The following ZCCHC17 variants were observed in gnomAD, a reference collection of about 807,000 sequenced individuals.
ZCCHC17 encodes the protein zinc finger CCHC-type containing 17.
ZCCHC17 carries 18 observed loss-of-function variants against 30.6 expected under a neutral mutation model. The observed-to-expected ratio is 0.59, with a 90% CI of 0.41 to 0.87. ZCCHC17 has a LOEUF of 0.87. Among genes scored for constraint, ZCCHC17 ranks in the 40% least tolerant of loss-of-function variants. ZCCHC17 has a pLI of 0.00. For synonymous variants in ZCCHC17, 88 were observed against 92.4 expected (o/e 0.95, Z 0.27); for missense variants, 263 against 284.2 (o/e 0.93, Z 0.54).
At chr1:31,358,886 A>G (rs141971362) in intron 7 of ZCCHC17, among the ~76,000 whole-genome samples, 35 of 152,292 alleles carry the variant, frequency 2.3e-4, no homozygotes, top group Non-Finnish European at 4.3e-4. Context: ...CAGAGTAAAT[A>G]TAGGGAAGAG....
intron 3 of ZCCHC17, among the ~76,000 whole-genome samples, chr1:31,329,240 G>T (rs1638482576): frequency 6.6e-6 from 1 of 152,178 alleles, no homozygotes; most frequent in Admixed American, 6.5e-5. Flanking sequence ...CATCTGTGCT[G>T]ATACATGACT....
At chr1:31,331,693 C>T (rs1185767722) in intron 3 of ZCCHC17, among the ~76,000 whole-genome samples, 1 of 151,710 alleles carries the variant, frequency 6.6e-6, no homozygotes, top group Non-Finnish European at 1.5e-5. Flanking sequence ...GTCACTGCAA[C>T]CTCTGCCTCC....
In ZCCHC17 at chr1:31,364,373, C is replaced by T; in HGVS notation, c.*180C>T. On this transcript the variant is annotated 3_prime_UTR_variant, in exon 8 of 8. Coordinates refer to ENST00000344147, the MANE Select transcript of ZCCHC17 (RefSeq NM_016505.4). ...GGGAGTTAGAGGTCAAAAGCAGCTG[C>T]CTGAATGAGTTGTTGTTTCCTTATC... The T allele has an allele frequency of 1.8e-6, 2 of 1,115,412 alleles. No individual in the cohort carries two copies. Among genetic ancestry groups the T allele is most frequent in the South Asian group, 3.9e-5 (2 of 51,566 alleles). 69.1% of individuals were successfully genotyped at this position (1,115,412 alleles called of 1,614,324 possible).
At position 31,337,126 on chromosome 1, in the gene ZCCHC17, A is replaced by T. The variant is rs1303780033; in HGVS notation, c.125-49A>T. 1.9e-6 allele frequency: 3 copies of T among 1,542,270 alleles called. No individual in the cohort carries two copies. In the African/African-American group the frequency reaches 4.1e-5, roughly 21 times the overall value. On this transcript the variant is annotated intron_variant, in intron 3 of 7. Transcript: ENST00000344147. ...CCTTCTTATCCAGTTTAGAGTATAA[A>T]TACCAGATATGCCCTCTGCTTTACG...
At chr1:31,349,130 C>G (rs543284254) in intron 7 of ZCCHC17, among the ~76,000 whole-genome samples, 156 bp downstream of exon 7, 1 of 151,804 alleles carries the variant, frequency 6.6e-6, no homozygotes, top group African/African-American at 2.4e-5. Context: ...GGCTGCGGTG[C>G]GCTATGATTA....
At position 31,364,157 on chromosome 1, in the gene ZCCHC17, AAAG is replaced by A. The variant is rs771446754; in HGVS notation, c.700_702del (p.Lys234del). ...ACAGCAAGGCAGCAAAGAAGAAGAAAAAGAAGAAGAAGCACAAGAAGAAGCACA... is the reference window on the plus strand; with the variant it reads ...ACAGCAAGGCAGCAAAGAAGAAGAAAAAGAAGAAGCACAAGAAGAAGCACA... On this transcript the variant is annotated inframe_deletion, in exon 8 of 8. Transcript: ENST00000344147. 86 of 1,613,748 alleles carry A rather than the reference AAAG, an allele frequency of 5.3e-5. No homozygotes were observed. The highest frequency in any genetic ancestry group is 1.3e-4 in the East Asian group (6 of 44,896).
intron 5 of ZCCHC17, among the ~76,000 whole-genome samples, chr1:31,344,244 G>T (rs925076098): frequency 6.6e-6 from 1 of 152,048 alleles, no homozygotes; most frequent in African/African-American, 2.4e-5. Context: ...TCCCACCTTG[G>T]CCTTCCAAAG....
chr1:31,298,193 G>T (rs1646214723), intron 1 of ZCCHC17, among the ~76,000 whole-genome samples: 1 of 152,158 alleles, frequency 6.6e-6, no homozygotes, highest in South Asian at 2.1e-4. Flanking sequence ...ACAGATTCTA[G>T]AGGTATATAG....
chr1:31,344,404 T>C (rs565288306), intron 5 of ZCCHC17, among the ~76,000 whole-genome samples: 1 of 152,350 alleles, frequency 6.6e-6, no homozygotes, highest in South Asian at 2.1e-4. Flanking sequence ...AGAATCATGT[T>C]TTGTTCGTTT....
chr1:31,356,196 A>G (rs1219988561), intron 7 of ZCCHC17, among the ~76,000 whole-genome samples: 2 of 152,242 alleles, frequency 1.3e-5, no homozygotes, highest in Non-Finnish European at 2.9e-5. Flanking sequence ...ATAAGGAGAA[A>G]GATAAGCAGC....
chr1:31,321,701 C>T (rs910618603), intron 3 of ZCCHC17, among the ~76,000 whole-genome samples: 3 of 152,116 alleles, frequency 2.0e-5, no homozygotes, highest in Non-Finnish European at 4.4e-5. Context: ...TCCTGTCCTC[C>T]AGTAATCTGC....
At chr1:31,323,687 A>G (rs1348180751) in intron 3 of ZCCHC17, among the ~76,000 whole-genome samples, 2 of 152,132 alleles carry the variant, frequency 1.3e-5, no homozygotes, top group African/African-American at 4.8e-5. Flanking sequence ...TTTTTTTCAC[A>G]TAGGGCAGCA....
At chr1:31,320,545 A>C (rs1006806499) in intron 3 of ZCCHC17, among the ~76,000 whole-genome samples, 2 of 152,170 alleles carry the variant, frequency 1.3e-5, no homozygotes, top group Non-Finnish European at 2.9e-5. Context: ...CTTATTTTGT[A>C]CATTTCTTGT....
rs758621410 is a variant in ZCCHC17 at position 31,346,653 on chromosome 1, C to T, written c.331C>T (p.Arg111Trp). The change falls in exon 6 of 8, where the codon CGG (arginine) becomes TGG (tryptophan). Residue 111 changes from arginine to tryptophan, a missense_variant. Transcript: ENST00000344147. ...NNVIIEQEER[R>W]RRSFQDYTGQ... Reference sequence around the variant, plus strand: ...TTTTCATTATAGGCAAGAAGAGAGGCGGAGGCGATCCTTCCAGGATTACAC... The same window carrying T: ...TTTTCATTATAGGCAAGAAGAGAGGTGGAGGCGATCCTTCCAGGATTACAC... The T allele has an allele frequency of 6.2e-6, 10 of 1,611,152 alleles. No individual in the cohort carries two copies. Among genetic ancestry groups the T allele is most frequent in the South Asian group, 3.3e-5 (3 of 90,640 alleles).
intron 3 of ZCCHC17, among the ~76,000 whole-genome samples, chr1:31,325,535 A>G (rs1480570056): frequency 1.3e-5 from 2 of 152,274 alleles, no homozygotes; most frequent in East Asian, 3.9e-4. Context: ...CTGTGCCAGC[A>G]CCTGGAGCTG....
chr1:31,332,039 A>G (rs1638615155), intron 3 of ZCCHC17, among the ~76,000 whole-genome samples: 1 of 152,140 alleles, frequency 6.6e-6, no homozygotes. Flanking sequence ...AATGATCACT[A>G]ATGTAATTGT....
intron 2 of ZCCHC17, among the ~76,000 whole-genome samples, chr1:31,317,820 T>C (rs1336588744): frequency 1.3e-5 from 2 of 152,186 alleles, no homozygotes; most frequent in African/African-American, 4.8e-5. Flanking sequence ...TGTATATGCT[T>C]TCTAGGATTG....
At chr1:31,331,844 T>A (rs1638602502) in intron 3 of ZCCHC17, among the ~76,000 whole-genome samples, 1 of 150,472 alleles carries the variant, frequency 6.6e-6, no homozygotes, top group Admixed American at 6.6e-5. Context: ...TCTCTTGACC[T>A]CCTGATCCGC....
chr1:31,339,960 CT>C (rs36008834), intron 5 of ZCCHC17, among the ~76,000 whole-genome samples: 1,728 of 90,274 alleles, frequency 0.019, 8 homozygotes, highest in South Asian at 0.039. Flanking sequence ...TCTTGGATTT[CT>C]TTTTTTTTTT....
Sources: gnomAD v4.1 joint callset for allele counts (sites outside exome capture counted in the v4.1 genomes callset) on GRCh38, gnomAD v4.1.1 for gene constraint, MANE v1.5 for transcripts, NCBI Gene and HGNC (gene_info 2026-07-23, HGNC 2026-07-21) for gene names.